Variants in RPTOR observed in about 807,000 individuals in gnomAD.
The protein encoded by RPTOR is regulatory associated protein of MTOR complex 1, also known as regulatory-associated protein of mTOR.
In RPTOR, 21 loss-of-function variants were observed where a neutral mutation model predicts 169.9. The observed-to-expected ratio is 0.12, with a 90% CI of 0.09 to 0.18. The LOEUF (loss-of-function observed/expected upper bound fraction) is 0.18, where lower values mean the gene tolerates loss of function less well. Among genes scored for constraint, RPTOR ranks in the 10% least tolerant of loss-of-function variants. The pLI, the probability that RPTOR is intolerant of heterozygous loss-of-function variation, is 1.00. For missense variants in RPTOR, 1,133 were observed against 1,855.9 expected, an observed-to-expected ratio of 0.61 and a Z score of 7.16; for synonymous variants, 732 against 753.2, an observed-to-expected ratio of 0.97 and a Z score of 0.46.
At chr17:80,585,507 TTATTATTTTTTCC>T (rs2065053060) in intron 1 of RPTOR, among the ~76,000 whole-genome samples, 1 of 145,458 alleles carries the variant, frequency 6.9e-6, no homozygotes, top group African/African-American at 2.4e-5. Context: ...GCTGGCCGGT[TTATTATTTTTTCC>T]TCAGTGCCGT....
At chr17:80,647,566 G>C (rs2065605947) in intron 3 of RPTOR, among the ~76,000 whole-genome samples, 1 of 151,338 alleles carries the variant, frequency 6.6e-6, no homozygotes. Flanking sequence ...AGAAGCAGAG[G>C]CCACACCTCT....
intron 28 of RPTOR, among the ~76,000 whole-genome samples, chr17:80,956,343 G>T (rs1379714956): frequency 6.6e-6 from 1 of 152,238 alleles, no homozygotes; most frequent in African/African-American, 2.4e-5. Context: ...TACAGTTTTA[G>T]AACTGAATCT....
At chr17:80,574,087 A>C (rs2064935345) in intron 1 of RPTOR, among the ~76,000 whole-genome samples, 1 of 152,136 alleles carries the variant, frequency 6.6e-6, no homozygotes, top group Non-Finnish European at 1.5e-5. Context: ...ATGTAATCCG[A>C]AAGTGTTGTT....
intron 21 of RPTOR, among the ~76,000 whole-genome samples, chr17:80,918,497 G>T (rs1300235113): frequency 9.7e-6 from 1 of 103,034 alleles, no homozygotes; most frequent in Non-Finnish European, 2.2e-5. Context: ...CACCCTCGCG[G>T]GGGTCATAGC....
intron 5 of RPTOR, among the ~76,000 whole-genome samples, chr17:80,734,331 C>T (rs1171659778): frequency 6.6e-6 from 1 of 152,208 alleles, no homozygotes; most frequent in African/African-American, 2.4e-5. Flanking sequence ...TCCCCGGCGT[C>T]AGCTGGCTCC....
In RPTOR at chr17:80,730,546, T is replaced by C. The variant is rs2066382330; in HGVS notation, c.508-14T>C. The C allele has an allele frequency of 6.2e-7, 1 of 1,611,806 alleles. No homozygotes were observed. The highest frequency in any genetic ancestry group is 2.2e-5 in the East Asian group (1 of 44,790). ...AGACGCACATGTAACGAGCGCACTT[T>C]GTGTGTTTTCTAGAACTACACGCAG... On this transcript the variant is annotated splice_polypyrimidine_tract_variant and intron_variant, in intron 4 of 33. Coordinates refer to ENST00000306801, the MANE Select transcript of RPTOR (RefSeq NM_020761.3). This position sits in a 1 kb window ranked among gnomAD's most constrained non-coding sequence, Gnocchi z 4.2.
At chr17:80,896,443 CA>C (rs2068403200) in intron 20 of RPTOR, among the ~76,000 whole-genome samples, 2 of 110,062 alleles carry the variant, frequency 1.8e-5, no homozygotes, top group Admixed American at 9.2e-5. Flanking sequence ...ACCCCACGGC[CA>C]TGCCGACACC....
Position 80,894,760 on chromosome 17 carries a change from G to A in RPTOR, c.2401+895G>A, listed in dbSNP as rs988366625. 4.0e-5 allele frequency among the ~76,000 whole-genome samples: 6 copies of A among 151,144 alleles called. No individual in the cohort carries two copies. The East Asian group carries it at 5.8e-4, about 15-fold the overall frequency. On this transcript the variant is annotated intron_variant, in intron 20 of 33. Coordinates refer to ENST00000306801, the MANE Select transcript of RPTOR (RefSeq NM_020761.3). ...AATTTACAGAGACTTATATAAGAGC[G>A]CTGCGTGTGTGTGTGTGTGTGTTGT... is the stretch of plus-strand genomic sequence containing the variant.
intron 9 of RPTOR, among the ~76,000 whole-genome samples, chr17:80,836,763 T>G (rs2067568787): frequency 6.6e-6 from 1 of 151,996 alleles, no homozygotes; most frequent in Non-Finnish European, 1.5e-5. Context: ...ACACCGAGGC[T>G]CTGACAAGGC....
At chr17:80,890,829 C>T (rs896568637) in intron 17 of RPTOR, among the ~76,000 whole-genome samples, 4 of 151,950 alleles carry the variant, frequency 2.6e-5, no homozygotes, top group Non-Finnish European at 5.9e-5. Flanking sequence ...AGTGCGTAGA[C>T]GGAGAGTGGG....
At chr17:80,756,530 A>C (rs1303643669) in intron 6 of RPTOR, among the ~76,000 whole-genome samples, 1 of 152,232 alleles carries the variant, frequency 6.6e-6, no homozygotes, top group African/African-American at 2.4e-5. Flanking sequence ...AGGTGGAGTG[A>C]GATGGTGGAA....
At chr17:80,725,042 A>C (rs1056151747) in intron 4 of RPTOR, among the ~76,000 whole-genome samples, 3 of 152,166 alleles carry the variant, frequency 2.0e-5, no homozygotes, top group African/African-American at 7.2e-5. Context: ...TCTGCTCTGT[A>C]ATTTAAAGGG....
chr17:80,747,696 C>T (rs1045130538), intron 5 of RPTOR, among the ~76,000 whole-genome samples: 2 of 152,220 alleles, frequency 1.3e-5, no homozygotes, highest in Admixed American at 6.5e-5. Flanking sequence ...AGCGTCTGGA[C>T]CACGGGAGCT....
At chr17:80,961,645 G>A (rs2144101451) in intron 31 of RPTOR, 165 bp downstream of exon 31, 1 of 769,266 alleles carries the variant, frequency 1.3e-6, no homozygotes, top group Admixed American at 3.0e-5. Context: ...CAGCCCGTAG[G>A]GGCCCAGGGG....
chr17:80,938,310 C>T (rs568916356), intron 24 of RPTOR, among the ~76,000 whole-genome samples: 1 of 152,336 alleles, frequency 6.6e-6, no homozygotes, highest in South Asian at 2.1e-4. Context: ...GGCCCAGGAC[C>T]ATAGAGTGCC....
chr17:80,864,290 TTA>T (rs1567955971), intron 13 of RPTOR, among the ~76,000 whole-genome samples: 12 of 145,526 alleles, frequency 8.2e-5, no homozygotes, highest in Admixed American at 2.8e-4. Flanking sequence ...AGGTTTCTTC[TTA>T]CAGATTTCCT....
chr17:80,632,717 CATAAGAGA>C, intron 2 of RPTOR, among the ~76,000 whole-genome samples: 1 of 152,210 alleles, frequency 6.6e-6, no homozygotes, highest in African/African-American at 2.4e-5. Context: ...AACAATATGG[CATAAGAGA>C]ATAAGAAGCC....
chr17:80,737,803 T>TCCCCCC (rs1567883256), intron 5 of RPTOR, among the ~76,000 whole-genome samples: 36 of 137,180 alleles, frequency 2.6e-4, no homozygotes, highest in African/African-American at 9.2e-4. Context: ...TCTCTTTTTC[T>TCCCCCC]CCCCCGCCCC....
rs373822553 is a variant in RPTOR, at chr17:80,713,117, A to G, written c.507+5118A>G. Among the ~76,000 whole-genome samples the G allele has an allele frequency of 3.3e-5, 5 of 152,192 alleles. No individual in the cohort carries two copies. The East Asian group carries it at 5.8e-4, about 18-fold the overall frequency. ...GGGTTTCGCTCTTGTTGCCCAGGCT[A>G]GAGTACAATGGCGTGATCTTGGCTC... is the stretch of plus-strand genomic sequence containing the variant. On this transcript the variant is annotated intron_variant, in intron 4 of 33. Transcript: ENST00000306801.
Sources: gnomAD v4.1 joint callset for allele counts (sites outside exome capture counted in the v4.1 genomes callset) on GRCh38, gnomAD v4.1.1 for gene constraint, Gnocchi (gnomAD v3.1) non-coding constraint, MANE v1.5 for transcripts, NCBI Gene and HGNC (gene_info 2026-07-23, HGNC 2026-07-21) for gene names.